C2CD2: variants seen among roughly 807,000 people sequenced by gnomAD.
C2CD2 encodes the protein C2 calcium dependent domain containing 2.
A neutral mutation model predicts 74.3 loss-of-function variants in C2CD2; 43 were observed. The observed-to-expected ratio is 0.58, with a 90% CI of 0.45 to 0.75. The LOEUF (loss-of-function observed/expected upper bound fraction) is 0.75, where lower values mean the gene tolerates loss of function less well. C2CD2 is among the 30% of genes least tolerant of loss of function. The pLI, the probability that C2CD2 is intolerant of heterozygous loss-of-function variation, is 0.00. For synonymous variants in C2CD2, 422 were observed against 390.7 expected, an observed-to-expected ratio of 1.08 and a Z score of -0.94; for missense variants, 801 against 916.3, an observed-to-expected ratio of 0.87 and a Z score of 1.63.
rs111598905 is a variant in C2CD2, at chr21:41,917,462, G to A, written c.720+643C>T. 6.6e-4 allele frequency among the ~76,000 whole-genome samples: 100 copies of A among 152,280 alleles called. 1 individual carries two copies. Among genetic ancestry groups the A allele is most frequent in the African/African-American group, 2.1e-3 (87 of 41,548 alleles). On this transcript the variant is annotated intron_variant, in intron 5 of 13. Transcript: ENST00000380486. ...ACGTAATCATGATAAAAAGATCAGC[G>A]TATGACTGAGAGAACTCACCTTAAA... is the stretch of plus-strand genomic sequence containing the variant.
intron 13 of C2CD2, 134 bp downstream of exon 13, chr21:41,898,919 G>A: frequency 8.4e-6 from 6 of 713,114 alleles, no homozygotes; most frequent in Non-Finnish European, 1.5e-5. Flanking sequence ...CATTTCTGGA[G>A]GGGCAGGGGT....
Position 41,912,493 on chromosome 21 carries a change from A to ATT in C2CD2, c.845-55_845-54dup, listed in dbSNP as rs71319914. The ATT allele has an allele frequency of 1.5e-3, 883 of 598,094 alleles. 3 individuals are homozygous for ATT. The highest frequency in any genetic ancestry group is 9.3e-3 in the African/African-American group (357 of 38,258). 37.0% of individuals were successfully genotyped at this position (598,094 alleles called of 1,614,324 possible). On this transcript the variant is annotated intron_variant, in intron 6 of 13. Transcript: ENST00000380486. ...TGGCGTTTATTTTTATTATTTATTT[A>ATT]TTTTTTTTTTTTTTTGAGACAGAGT... is the stretch of plus-strand genomic sequence containing the variant.
chr21:41,915,442 C>CT (rs1319117253), intron 5 of C2CD2, among the ~76,000 whole-genome samples: 5,647 of 146,760 alleles, frequency 0.038, 162 homozygotes, highest in South Asian at 0.13. Flanking sequence ...CAAGAGTGTT[C>CT]TTTTTTTTTT....
At chr21:41,931,204 G>A (rs1397637674) in intron 2 of C2CD2, among the ~76,000 whole-genome samples, 1 of 150,498 alleles carries the variant, frequency 6.6e-6, no homozygotes, top group Non-Finnish European at 1.5e-5. Context: ...ACTGGAGCCT[G>A]CTCACAGCAG....
At chr21:41,932,947 A>T (rs2065275552) in intron 2 of C2CD2, among the ~76,000 whole-genome samples, 1 of 150,214 alleles carries the variant, frequency 6.7e-6, no homozygotes, top group Admixed American at 6.7e-5. Flanking sequence ...CCACAGGGAG[A>T]CTCCAGATGG....
chr21:41,917,046 C>T (rs1488106831), intron 5 of C2CD2, among the ~76,000 whole-genome samples: 3 of 152,134 alleles, frequency 2.0e-5, no homozygotes, highest in Admixed American at 1.3e-4. Flanking sequence ...GCCCCCAGGC[C>T]TCAGGCCCCT....
chr21:41,941,429 T>C (rs2065353460), intron 2 of C2CD2, among the ~76,000 whole-genome samples: 1 of 152,230 alleles, frequency 6.6e-6, no homozygotes, highest in African/African-American at 2.4e-5. Flanking sequence ...GCTTTTATGC[T>C]TTATGCTATC....
chr21:41,943,247 T>C (rs1007355237), intron 1 of C2CD2, among the ~76,000 whole-genome samples: 5 of 151,904 alleles, frequency 3.3e-5, no homozygotes, highest in Non-Finnish European at 7.4e-5. Context: ...TGTATTCAGC[T>C]GAGATCACAC....
rs768068265 is a variant in C2CD2 at position 41,914,709 on chromosome 21, CA to C, written c.732del (p.Cys244TrpfsTer20). 9 of 1,612,856 alleles carry C rather than the reference CA, an allele frequency of 5.6e-6. No homozygotes were observed. The highest frequency in any genetic ancestry group is 7.6e-6 in the Non-Finnish European group (9 of 1,179,384). On this transcript the variant is annotated frameshift_variant, in exon 6 of 14. Transcript: ENST00000380486. LOFTEE classifies it high-confidence loss of function. ...TTVKEAQNLQ[C>X]AASTAQESCP... ...CAGGATTCCTGAGCAGTAGATGCAG[CA>C]CACTGTAAGTTCTGAAAAAATAAAG...
chr21:41,935,052 C>T (rs373655556), intron 2 of C2CD2, among the ~76,000 whole-genome samples: 6 of 152,086 alleles, frequency 3.9e-5, no homozygotes, highest in Admixed American at 1.3e-4. Flanking sequence ...CCACCATGCT[C>T]GGCTAATTTT....
At chr21:41,913,720 C>T (rs2065054461) in intron 6 of C2CD2, among the ~76,000 whole-genome samples, 1 of 152,190 alleles carries the variant, frequency 6.6e-6, no homozygotes, top group South Asian at 2.1e-4. Context: ...CATACTCGGG[C>T]AATACAATTT....
In C2CD2 at chr21:41,899,201, G is replaced by A. The variant is rs2064860957; in HGVS notation, c.1722C>T (p.Pro574=). ...CCCAGGAGTCTAGCTCGTCCTCCTG[G>A]GGCTTGGGGGCAAGGGATGCCTGGG... The part of the protein sequence containing the change: ...ESAQASLAPK[P]QEDELDSWDL... Residue 574 remains proline (P), a synonymous_variant, in exon 13 of 14, where the codon CCC becomes CCT. Transcript: ENST00000380486. This position sits in a 1 kb window ranked among gnomAD's most constrained non-coding sequence, Gnocchi z 4.4. 1 of 1,612,276 alleles carries A rather than the reference G, an allele frequency of 6.2e-7. No homozygotes were observed. The highest frequency in any genetic ancestry group is 1.3e-5 in the African/African-American group (1 of 74,868).
chr21:41,939,979 G>T lies in C2CD2; in HGVS notation c.378+2168C>A, dbSNP rs1026739051. Among the ~76,000 whole-genome samples, 1 of 152,166 alleles carries T rather than the reference G, an allele frequency of 6.6e-6. No homozygotes were observed. The highest frequency in any genetic ancestry group is 2.4e-5 in the African/African-American group (1 of 41,442). On this transcript the variant is annotated intron_variant, in intron 2 of 13. Transcript: ENST00000380486. The surrounding 1 kb of genome is among the most constrained non-coding windows in gnomAD (Gnocchi z 5.5). ...TGTGCGGACTGAGCATCCCGAATCC[G>T]AACATCCCAAATCTGAAACGCTCCA...
intron 11 of C2CD2, among the ~76,000 whole-genome samples, chr21:41,902,654 A>G (rs763322022): frequency 1.2e-4 from 18 of 152,240 alleles, no homozygotes; most frequent in Non-Finnish European, 2.2e-4. Context: ...GGTTTTGGCC[A>G]TGGCCTGAGG....
At chr21:41,947,767 C>T (rs1265393745) in intron 1 of C2CD2, among the ~76,000 whole-genome samples, 1 of 152,152 alleles carries the variant, frequency 6.6e-6, no homozygotes. Context: ...TGGATTGAAT[C>T]CAGTTTTCCC....
chr21:41,905,597 T>C, intron 11 of C2CD2, 127 bp downstream of exon 11: 2 of 598,752 alleles, frequency 3.3e-6, no homozygotes, highest in Non-Finnish European at 6.0e-6. Flanking sequence ...AGATTACGGG[T>C]GTGAGCCACC....
chr21:41,928,896 A>T (rs1286901274), intron 2 of C2CD2, among the ~76,000 whole-genome samples: 1 of 152,148 alleles, frequency 6.6e-6, no homozygotes, highest in Non-Finnish European at 1.5e-5. Flanking sequence ...AGTGCTGACC[A>T]GTTCTCCTTT....
intron 6 of C2CD2, among the ~76,000 whole-genome samples, chr21:41,913,744 G>A (rs1354234718): frequency 6.6e-6 from 1 of 152,172 alleles, no homozygotes. Context: ...CCTGTTCTTG[G>A]CAAAATGGAG....
chr21:41,890,634 G>A (rs1277530189), intron 13 of C2CD2, among the ~76,000 whole-genome samples: 4 of 152,202 alleles, frequency 2.6e-5, no homozygotes, highest in African/African-American at 4.8e-5. Context: ...TATACCTAAT[G>A]TGATAATTTA....
Sources: allele counts gnomAD v4.1 joint callset (sites outside exome capture counted in the v4.1 genomes callset), GRCh38; gene constraint gnomAD v4.1.1; non-coding constraint Gnocchi (gnomAD v3.1); transcripts MANE v1.5; gene names NCBI Gene and HGNC (gene_info 2026-07-23, HGNC 2026-07-21).